Variants in TRAPPC9 observed in about 807,000 individuals in gnomAD.
The protein encoded by TRAPPC9 is IKK2 binding protein.
Under a neutral mutation model 124.0 loss-of-function variants are expected in TRAPPC9, and 83 were observed. The observed-to-expected ratio is 0.67, with a 90% CI of 0.56 to 0.80. The LOEUF is 0.80. TRAPPC9 is among the 30% of genes least tolerant of loss of function. TRAPPC9 has a pLI of 0.00. For missense variants in TRAPPC9, 1,302 were observed against 1,508.3 expected (o/e 0.86, Z 2.27); for synonymous variants, 638 against 617.5 (o/e 1.03, Z -0.49).
chr8:139,824,142 G>A (rs541725053), intron 21 of TRAPPC9, among the ~76,000 whole-genome samples: 1 of 152,350 alleles, frequency 6.6e-6, no homozygotes, highest in South Asian at 2.1e-4. Context: ...CAGACTCAAA[G>A]AATTTGACCA....
chr8:140,269,495 C>T lies in TRAPPC9; in HGVS notation c.2278+6163G>A, dbSNP rs559547937. ...GGCGGAGTTTGCAGTGAGCCAAGATCGCACCACTGCACTCCAGCCTGGGTG... is the reference window on the plus strand; with the variant it reads ...GGCGGAGTTTGCAGTGAGCCAAGATTGCACCACTGCACTCCAGCCTGGGTG... On this transcript the variant is annotated intron_variant, in intron 15 of 22. Coordinates refer to ENST00000438773, the MANE Select transcript of TRAPPC9 (RefSeq NM_001160372.4). Among the ~76,000 whole-genome samples the T allele has an allele frequency of 4.6e-5, 7 of 151,606 alleles. 1 individual carries two copies. Among genetic ancestry groups the T allele is most frequent in the Non-Finnish European group, 1.0e-4 (7 of 67,912 alleles).
rs61740786 is a variant in TRAPPC9, at chr8:140,450,918, G to C, written c.456C>G (p.Ile152Met). The C allele has an allele frequency of 1.2e-6, 2 of 1,614,010 alleles. No homozygotes were observed. The highest frequency in any genetic ancestry group is 1.6e-4 in the Middle Eastern group (1 of 6,084). Residue 152 changes from isoleucine (I) to methionine (M), a missense_variant, in exon 2 of 23, where the codon ATC becomes ATG. Physicochemically the swap from Ile to Met is conservative, Grantham distance 10 (BLOSUM62 1). Around this residue, in one of 3 missense-constraint regions of TRAPPC9, gnomAD observed 657 missense variants for 811.2 expected, o/e 0.81. Transcript: ENST00000438773. Reference protein sequence around the residue: ...QTVEKRIEDFIESLFIVLESK... With the variant: ...QTVEKRIEDFMESLFIVLESK... ...ACTCCAGCACGATGAACAGTGACTC[G>C]ATGAAGTCCTCGATTCTCTTCTCCA...
chr8:140,059,750 C>T (rs1842489343), intron 17 of TRAPPC9, among the ~76,000 whole-genome samples: 1 of 152,190 alleles, frequency 6.6e-6, no homozygotes, highest in Non-Finnish European at 1.5e-5. Context: ...CATTTTTGCA[C>T]ACTTCTAATT....
intron 19 of TRAPPC9, 82 bp from the exon 20 acceptor site, chr8:139,910,382 C>A: frequency 7.6e-7 from 1 of 1,315,564 alleles, no homozygotes; most frequent in Non-Finnish European, 1.1e-6. Flanking sequence ...CACATGCCAG[C>A]GTGAGACACT....
intron 14 of TRAPPC9, among the ~76,000 whole-genome samples, chr8:140,282,017 GA>G (rs1187571011): frequency 9.2e-5 from 14 of 152,190 alleles, no homozygotes; most frequent in Non-Finnish European, 2.1e-4. Flanking sequence ...CCACTTGACA[GA>G]ACTTCCCGTG....
At chr8:139,986,337 G>A (rs991965071) in intron 19 of TRAPPC9, among the ~76,000 whole-genome samples, 2 of 152,154 alleles carry the variant, frequency 1.3e-5, no homozygotes, top group African/African-American at 4.8e-5. Flanking sequence ...CATGGATGTG[G>A]AATGATACCA....
rs142256482 is a variant in TRAPPC9, at chr8:139,737,938, G to A, written c.3056-5736C>T. ...GCTTTGCATTTCGACAGCTTCTCCA[G>A]GGCCCTTCCTCTCCCGCGGGCTGGC... On this transcript the variant is annotated intron_variant, in intron 21 of 22. Coordinates refer to ENST00000438773, the MANE Select transcript of TRAPPC9 (RefSeq NM_001160372.4). Among the ~76,000 whole-genome samples, 85 of 152,296 alleles carry A rather than the reference G, an allele frequency of 5.6e-4. 1 individual carries two copies. The highest frequency in any genetic ancestry group is 1.9e-3 in the African/African-American group (79 of 41,572).
At chr8:139,980,605 G>A (rs1343092117) in intron 19 of TRAPPC9, among the ~76,000 whole-genome samples, 4 of 152,204 alleles carry the variant, frequency 2.6e-5, no homozygotes, top group South Asian at 2.1e-4. Context: ...GGCCTCTAAC[G>A]CTGCTCTTTA....
At chr8:140,327,864 T>G (rs976207049) in intron 9 of TRAPPC9, among the ~76,000 whole-genome samples, 1 of 152,226 alleles carries the variant, frequency 6.6e-6, no homozygotes, top group East Asian at 1.9e-4. Context: ...TGTGAATGTA[T>G]GTACTCAATA....
chr8:140,227,933 C>A (rs1182317345), intron 16 of TRAPPC9, among the ~76,000 whole-genome samples: 1 of 152,212 alleles, frequency 6.6e-6, no homozygotes, highest in East Asian at 1.9e-4. Flanking sequence ...CACTACCCAG[C>A]AAAACTGACC....
chr8:139,982,321 G>A (rs760449492), intron 19 of TRAPPC9, among the ~76,000 whole-genome samples: 6 of 152,272 alleles, frequency 3.9e-5, no homozygotes, highest in Middle Eastern at 6.8e-3. Context: ...GAGAACAGGT[G>A]GCTGGTGCTC....
chr8:140,415,512 T>C (rs2069889525), intron 5 of TRAPPC9, among the ~76,000 whole-genome samples: 1 of 148,100 alleles, frequency 6.8e-6, no homozygotes, highest in African/African-American at 2.5e-5. Flanking sequence ...GCCGAGATCA[T>C]GGCACTGCAC....
At chr8:140,388,734 G>C (rs182482917) in intron 7 of TRAPPC9, among the ~76,000 whole-genome samples, 3 of 151,434 alleles carry the variant, frequency 2.0e-5, no homozygotes, top group Non-Finnish European at 4.4e-5. Context: ...TGTAATCCCA[G>C]CTACTTGGGA....
chr8:140,323,512 A>T (rs2066654734), intron 9 of TRAPPC9, among the ~76,000 whole-genome samples: 2 of 152,270 alleles, frequency 1.3e-5, no homozygotes, highest in East Asian at 3.9e-4. Flanking sequence ...ATCCAACACT[A>T]TCTTCAGATA....
intron 14 of TRAPPC9, among the ~76,000 whole-genome samples, chr8:140,277,234 A>G (rs755702269): frequency 6.6e-6 from 1 of 152,226 alleles, no homozygotes; most frequent in Non-Finnish European, 1.5e-5. Context: ...GGGGGCTTCC[A>G]GATACAGACT....
At chr8:139,749,085 G>T (rs1045625896) in intron 21 of TRAPPC9, among the ~76,000 whole-genome samples, 1 of 152,160 alleles carries the variant, frequency 6.6e-6, no homozygotes, top group East Asian at 1.9e-4. Flanking sequence ...GTTCAAGGCT[G>T]TCTGATCACG....
chr8:139,905,020 T>C (rs941015765), intron 20 of TRAPPC9: 1 of 152,148 alleles, frequency 6.6e-6, no homozygotes, highest in East Asian at 1.9e-4. Flanking sequence ...CCAAGTTCAG[T>C]AAAATTGTCC....
At chr8:139,917,433 G>A (rs1832224719) in intron 19 of TRAPPC9, among the ~76,000 whole-genome samples, 1 of 152,018 alleles carries the variant, frequency 6.6e-6, no homozygotes, top group Non-Finnish European at 1.5e-5. Flanking sequence ...GCCTGCCTCG[G>A]CCTCCCAAAG....
chr8:139,971,541 C>A (rs2131610178), intron 19 of TRAPPC9, among the ~76,000 whole-genome samples: 1 of 152,214 alleles, frequency 6.6e-6, no homozygotes, highest in South Asian at 2.1e-4. Flanking sequence ...TCTGGGCCTG[C>A]CCCTGCCTTC....
Sources: allele counts gnomAD v4.1 joint callset (sites outside exome capture counted in the v4.1 genomes callset), GRCh38; gene constraint gnomAD v4.1.1; regional missense constraint gnomAD v4.1.1; transcripts MANE v1.5; gene names NCBI Gene and HGNC (gene_info 2026-07-23, HGNC 2026-07-21).